The following STEAP1B variants were observed in gnomAD, a reference collection of about 807,000 sequenced individuals.
The protein encoded by STEAP1B is STEAP family protein MGC87042.
A neutral mutation model predicts 27.9 loss-of-function variants in STEAP1B; 13 were observed. The ratio of observed to expected loss-of-function variants is 0.47; its 90% CI spans 0.30 to 0.74. The LOEUF (loss-of-function observed/expected upper bound fraction) is 0.74, where lower values mean the gene tolerates loss of function less well. Ranked by LOEUF, STEAP1B falls within the 30% of genes least tolerant of loss-of-function variation. The pLI is 0.06. For synonymous variants in STEAP1B, 86 were observed against 107.1 expected, an observed-to-expected ratio of 0.80 and a Z score of 1.22; for missense variants, 250 against 298.7, an observed-to-expected ratio of 0.84 and a Z score of 1.20.
At chr7:22,424,320 T>C (rs1785080256) in intron 4 of STEAP1B, among the ~76,000 whole-genome samples, 3 of 152,082 alleles carry the variant, frequency 2.0e-5, no homozygotes, top group South Asian at 2.1e-4. Flanking sequence ...AATAAAAACA[T>C]AGTAAGATCT....
At chr7:22,423,457 C>T (rs184782008) in intron 4 of STEAP1B, among the ~76,000 whole-genome samples, 107 of 152,296 alleles carry the variant, frequency 7.0e-4, no homozygotes, top group African/African-American at 2.6e-3. Flanking sequence ...CTGATACATG[C>T]TGCAACATGT....
chr7:22,485,465 A>G (rs1786186790), intron 4 of STEAP1B, among the ~76,000 whole-genome samples: 1 of 152,238 alleles, frequency 6.6e-6, no homozygotes, highest in Admixed American at 6.5e-5. Context: ...TTGTACACTT[A>G]ATAGACTATA....
chr7:22,460,564 A>T (rs1446336386), intron 4 of STEAP1B, among the ~76,000 whole-genome samples: 1 of 152,148 alleles, frequency 6.6e-6, no homozygotes, highest in East Asian at 1.9e-4. Flanking sequence ...TGGCCTGGAC[A>T]TGCTGTGGGA....
chr7:22,493,601 T>C lies in STEAP1B; in HGVS notation c.320A>G (p.Tyr107Cys), dbSNP rs781291084. 7 of 1,613,828 alleles carry C rather than the reference T, an allele frequency of 4.3e-6. No individual in the cohort carries two copies. In the Admixed American group the frequency reaches 6.7e-5, roughly 15 times the overall value. ...PLATSHQQYFYKIPILVINKV... is the reference protein window; with the variant it reads ...PLATSHQQYFCKIPILVINKV... ...GTTGATGACCAGGATTGGAATTTTA[T>C]AAAAATATTGTTGATGGGAAGTTGC... Residue 107 changes from tyrosine (Y) to cysteine (C), a missense_variant, in exon 3 of 5, where the codon TAT (tyrosine) becomes TGT (cysteine). Physicochemically the swap from Tyr to Cys is radical, Grantham distance 194 (BLOSUM62 -2). Transcript: ENST00000678116.
At chr7:22,449,522 A>C (rs1785454475) in intron 4 of STEAP1B, among the ~76,000 whole-genome samples, 1 of 152,244 alleles carries the variant, frequency 6.6e-6, no homozygotes, top group South Asian at 2.1e-4. Context: ...TGTAAGTACC[A>C]CATTTTATCC....
chr7:22,435,666 TA>T (rs1271699015), intron 4 of STEAP1B, among the ~76,000 whole-genome samples: 1 of 152,192 alleles, frequency 6.6e-6, no homozygotes, highest in African/African-American at 2.4e-5. Context: ...GACAAGACAG[TA>T]TTCAGTAAAG....
At chr7:22,439,601 C>A (rs1208067090) in intron 4 of STEAP1B, among the ~76,000 whole-genome samples, 1 of 152,042 alleles carries the variant, frequency 6.6e-6, no homozygotes, top group African/African-American at 2.4e-5. Flanking sequence ...AATAGGAATA[C>A]AAAATTTTGG....
At position 22,487,468 on chromosome 7, in the gene STEAP1B, G is replaced by GA. The variant is rs571684355; in HGVS notation, c.762+5096dup. Among the ~76,000 whole-genome samples the GA allele has an allele frequency of 1.4e-3, 204 of 146,900 alleles. 1 individual carries two copies. The highest frequency in any genetic ancestry group is 6.4e-3 in the East Asian group (32 of 5,028). Reference sequence around the variant, plus strand: ...GTTTCAGTTACATGAGTATTTGTTTGAAAAAAAAATGTCTTGCAAAGGCCT... The same window carrying GA: ...GTTTCAGTTACATGAGTATTTGTTTGAAAAAAAAAATGTCTTGCAAAGGCCT... On this transcript the variant is annotated intron_variant, in intron 4 of 4. Coordinates refer to ENST00000678116, the MANE Select transcript of STEAP1B (RefSeq NM_001382447.1).
chr7:22,468,031 T>C (rs1463410803), intron 4 of STEAP1B, among the ~76,000 whole-genome samples: 1 of 152,212 alleles, frequency 6.6e-6, no homozygotes, highest in Non-Finnish European at 1.5e-5. Flanking sequence ...TCCCATGTAA[T>C]ACTCAGGACA....
At chr7:22,483,298 A>G (rs895389510) in intron 4 of STEAP1B, among the ~76,000 whole-genome samples, 1 of 152,178 alleles carries the variant, frequency 6.6e-6, no homozygotes, top group African/African-American at 2.4e-5. Context: ...TTGTTTTGCT[A>G]TGTTTAACAG....
intron 4 of STEAP1B, among the ~76,000 whole-genome samples, chr7:22,450,967 G>C (rs1275053232): frequency 6.6e-6 from 1 of 152,130 alleles, no homozygotes. Flanking sequence ...GGCCAAGGTA[G>C]GCAGATCACC....
chr7:22,432,095 T>C (rs867243718), intron 4 of STEAP1B, among the ~76,000 whole-genome samples: 1 of 152,122 alleles, frequency 6.6e-6, no homozygotes, highest in Non-Finnish European at 1.5e-5. Context: ...ATTGGTGTCC[T>C]TATAAAAGAG....
At position 22,450,188 on chromosome 7, in the gene STEAP1B, AC is replaced by A. The variant is rs1233103231; in HGVS notation, c.763-30353del. Among the ~76,000 whole-genome samples, 762 of 148,220 alleles carry A rather than the reference AC, an allele frequency of 5.1e-3. 4 individuals are homozygous for A. The highest frequency in any genetic ancestry group is 0.019 in the African/African-American group (725 of 37,860). On this transcript the variant is annotated intron_variant, in intron 4 of 4. Coordinates refer to ENST00000678116, the MANE Select transcript of STEAP1B (RefSeq NM_001382447.1). ...TGGTTGCCTGTGCTTGTGGAGTATT[AC>A]TCAAGTGCTTGTGGAGTATCACTCA...
Position 22,480,228 on chromosome 7 carries a change from G to A in STEAP1B, c.762+12337C>T, listed in dbSNP as rs17146969. The stretch of plus-strand genomic sequence containing the variant: ...ATCCTGTTCCAAATCCTACAGAATC[G>A]TAAACAGGGTCATAATTGTACATAT... On this transcript the variant is annotated intron_variant, in intron 4 of 4. Transcript: ENST00000678116. Among the ~76,000 whole-genome samples, 266 of 152,250 alleles carry A rather than the reference G, an allele frequency of 1.7e-3. 2 individuals are homozygous for A. The East Asian group carries it at 0.041, about 23-fold the overall frequency.
chr7:22,468,377 A>G (rs1371557426), intron 4 of STEAP1B, among the ~76,000 whole-genome samples: 1 of 152,138 alleles, frequency 6.6e-6, no homozygotes, highest in East Asian at 1.9e-4. Flanking sequence ...TAGTTTTCCC[A>G]AAAAATCTGT....
chr7:22,462,878 T>A (rs1216018740), intron 4 of STEAP1B, among the ~76,000 whole-genome samples: 1 of 151,968 alleles, frequency 6.6e-6, no homozygotes, highest in Non-Finnish European at 1.5e-5. Context: ...TTTCTCCACA[T>A]CCTCTCCAGC....
At chr7:22,420,471 A>G (rs1785030772) in intron 4 of STEAP1B, among the ~76,000 whole-genome samples, 1 of 152,222 alleles carries the variant, frequency 6.6e-6, no homozygotes, top group African/African-American at 2.4e-5. Flanking sequence ...TCAGCTTCAC[A>G]TTCAGGGAAG....
At chr7:22,426,108 C>T (rs775512390) in intron 4 of STEAP1B, among the ~76,000 whole-genome samples, 14 of 152,142 alleles carry the variant, frequency 9.2e-5, no homozygotes, top group Non-Finnish European at 1.6e-4. Flanking sequence ...CCCTGGAGGT[C>T]AGAAATCCTA....
chr7:22,444,901 G>A (rs1035339460), intron 4 of STEAP1B, among the ~76,000 whole-genome samples: 8 of 152,164 alleles, frequency 5.3e-5, no homozygotes, highest in African/African-American at 1.7e-4. Context: ...GACCCACTAA[G>A]CCAACAATTG....
Sources: gnomAD v4.1 joint callset for allele counts (sites outside exome capture counted in the v4.1 genomes callset) on GRCh38, gnomAD v4.1.1 for gene constraint, MANE v1.5 for transcripts, NCBI Gene and HGNC (gene_info 2026-07-23, HGNC 2026-07-21) for gene names.